MACF1: variants seen among roughly 807,000 people sequenced by gnomAD.
The protein encoded by MACF1 is microtubule-actin cross-linking factor 1.
Under a neutral mutation model 854.8 loss-of-function variants are expected in MACF1, and 193 were observed. That is an observed-to-expected ratio of 0.23 (90% CI 0.20 to 0.25). The LOEUF (loss-of-function observed/expected upper bound fraction) is 0.25, where lower values mean the gene tolerates loss of function less well. Ranked by LOEUF, MACF1 falls within the 10% of genes least tolerant of loss-of-function variation. The pLI is 1.00. For synonymous variants in MACF1, 3,185 were observed against 3,226.7 expected (o/e 0.99, Z 0.44); for missense variants, 7,722 against 8,929.1 (o/e 0.86, Z 5.45).
At chr1:39,097,704 A>C (rs1448864517) in intron 2 of MACF1, among the ~76,000 whole-genome samples, 5 of 151,646 alleles carry the variant, frequency 3.3e-5, no homozygotes, top group Admixed American at 3.3e-4. Flanking sequence ...CCTGGGTGAC[A>C]AAGTGAAACC....
At chr1:39,277,268 A>T (rs927255932) in intron 6 of MACF1, among the ~76,000 whole-genome samples, 3 of 152,198 alleles carry the variant, frequency 2.0e-5, no homozygotes, top group Non-Finnish European at 4.4e-5. Flanking sequence ...TTAAAATCTT[A>T]GAAAAGTAGA....
At chr1:39,320,100 A>G (rs1646485835) in intron 31 of MACF1, among the ~76,000 whole-genome samples, 1 of 152,180 alleles carries the variant, frequency 6.6e-6, no homozygotes, top group Non-Finnish European at 1.5e-5. Flanking sequence ...CTGAGGCAAA[A>G]AACCCAGGAG....
At chr1:39,391,580 A>T (rs762587864) in intron 58 of MACF1, among the ~76,000 whole-genome samples, 1 of 152,230 alleles carries the variant, frequency 6.6e-6, no homozygotes, top group Non-Finnish European at 1.5e-5. Context: ...CAGGCCTGTT[A>T]AAATTGCATT....
chr1:39,480,240 C>T lies in MACF1; in HGVS notation c.22170+231C>T, dbSNP rs187891680. 6.8e-5 allele frequency: 34 copies of T among 500,750 alleles called. No individual in the cohort carries two copies. The Middle Eastern group carries it at 2.6e-3, about 38-fold the overall frequency. 31.0% of individuals were successfully genotyped at this position (500,750 alleles called of 1,614,324 possible). ...TCCAAAGGACATTTATTAAAATATG[C>T]ACTCAGCCTGGTTATGTCAGAAATG... On this transcript the variant is annotated intron_variant, in intron 98 of 100. Coordinates refer to ENST00000564288, the MANE Select transcript of MACF1 (RefSeq NM_001394062.1).
chr1:39,235,973 A>G (rs1375256511), intron 2 of MACF1, among the ~76,000 whole-genome samples: 4 of 152,150 alleles, frequency 2.6e-5, no homozygotes, highest in African/African-American at 9.7e-5. Context: ...CCTGACCTCA[A>G]GTAGTCCTCC....
chr1:39,095,197 A>G (rs545766577), intron 2 of MACF1, among the ~76,000 whole-genome samples: 1 of 152,150 alleles, frequency 6.6e-6, no homozygotes, highest in South Asian at 2.1e-4. Flanking sequence ...TGAATTTTCT[A>G]TGTAGTATTC....
chr1:39,309,078 G>A (rs556333079), intron 23 of MACF1, among the ~76,000 whole-genome samples: 91 of 152,164 alleles, frequency 6.0e-4, no homozygotes, highest in African/African-American at 2.2e-3. Context: ...CAACAATTCT[G>A]GATGGGATGT....
chr1:39,428,222 C>T lies in MACF1; in HGVS notation c.16738C>T (p.Leu5580Phe), dbSNP rs527361873. The T allele has an allele frequency of 1.9e-6, 3 of 1,614,092 alleles. No homozygotes were observed. The highest frequency in any genetic ancestry group is 4.5e-5 in the East Asian group (2 of 44,890). ...CTGGCTGGCTGAGGTTGAGGACAAG[C>T]TCAGTTCAGTGTTCGTAAAGGATTT... ...LNWLAEVEDK[L>F]SSVFVKDFKQ... Residue 5580 changes from leucine to phenylalanine, a missense_variant, in exon 63 of 101, where the codon CTC becomes TTC. Physicochemically the swap from Leu to Phe is conservative, Grantham distance 22. Coordinates refer to ENST00000564288, the MANE Select transcript of MACF1 (RefSeq NM_001394062.1).
chr1:39,483,678 C>CCCAG (rs1371806238), intron 99 of MACF1, among the ~76,000 whole-genome samples: 1 of 152,172 alleles, frequency 6.6e-6, no homozygotes, highest in Non-Finnish European at 1.5e-5. Context: ...AGTCCTGGAA[C>CCCAG]CCAGACTCAA....
chr1:39,404,637 A>G (rs1338610221), intron 58 of MACF1, among the ~76,000 whole-genome samples: 3 of 152,156 alleles, frequency 2.0e-5, no homozygotes, highest in South Asian at 2.1e-4. Flanking sequence ...CTACAGATGC[A>G]CATGCCTGGC....
At chr1:39,212,667 G>A (rs958060071) in intron 1 of MACF1, among the ~76,000 whole-genome samples, 9 of 152,194 alleles carry the variant, frequency 5.9e-5, no homozygotes, top group South Asian at 4.2e-4. Context: ...CTGTCGCCCC[G>A]GCTGGAGTGC....
intron 62 of MACF1, 58 bp downstream of exon 62, chr1:39,427,672 G>T: frequency 6.5e-7 from 1 of 1,531,794 alleles, no homozygotes; most frequent in South Asian, 1.2e-5. Context: ...TCCTAGAAAT[G>T]AGTAAACTGC....
intron 2 of MACF1, among the ~76,000 whole-genome samples, chr1:39,147,860 C>G (rs1005815022): frequency 2.0e-5 from 3 of 152,172 alleles, no homozygotes; most frequent in Admixed American, 2.0e-4. Context: ...ACTCACTGCC[C>G]TATTTTAGAC....
At chr1:39,470,535 A>G (rs899505547) in intron 97 of MACF1, among the ~76,000 whole-genome samples, 1 of 152,110 alleles carries the variant, frequency 6.6e-6, no homozygotes, top group Non-Finnish European at 1.5e-5. Context: ...AGTCCTAACT[A>G]CTCTGGAGGC....
At chr1:39,271,270 T>C (rs1316432944) in intron 6 of MACF1, among the ~76,000 whole-genome samples, 1 of 152,136 alleles carries the variant, frequency 6.6e-6, no homozygotes, top group Non-Finnish European at 1.5e-5. Context: ...TGAGGAAACT[T>C]ACAATCTTGG....
At chr1:39,161,269 T>G (rs1257538195) in intron 2 of MACF1, among the ~76,000 whole-genome samples, 1 of 152,108 alleles carries the variant, frequency 6.6e-6, no homozygotes, top group Non-Finnish European at 1.5e-5. Flanking sequence ...TCCAGACCTG[T>G]GCCATGACTG....
intron 94 of MACF1, 151 bp from the exon 95 acceptor site, chr1:39,464,944 T>C: frequency 1.4e-6 from 1 of 727,720 alleles, no homozygotes; most frequent in East Asian, 2.5e-5. Flanking sequence ...CACATCCCTG[T>C]GGCAGGAGCT....
At position 39,403,841 on chromosome 1, in the gene MACF1, C is replaced by T. The variant is rs67565124; in HGVS notation, c.15816+15183C>T. 1.9e-3 allele frequency among the ~76,000 whole-genome samples: 117 copies of T among 62,784 alleles called. 1 individual carries two copies. The highest frequency in any genetic ancestry group is 4.8e-3 in the Admixed American group (35 of 7,238). 41.2% of individuals were successfully genotyped at this position (62,784 alleles called of 152,430 possible). A position where few individuals can be genotyped will look rare whatever the true frequency, so the allele number is the denominator to read the frequency against. ...AAGTCCTCATTTAAAAATTTTTGGG[C>T]GGGGGGGCCGGGCTTCGTGGCTCAT... On this transcript the variant is annotated intron_variant, in intron 58 of 100. Coordinates refer to ENST00000564288, the MANE Select transcript of MACF1 (RefSeq NM_001394062.1).
rs1244710073 is a variant in MACF1, at chr1:39,384,850, G to A, written c.13849-584G>A. ...GAATGCCAACTTTAATTTCTCAGCC[G>A]TGTCTGGCCTTAGTAACTGACATTG... is the stretch of plus-strand genomic sequence containing the variant. On this transcript the variant is annotated intron_variant, in intron 56 of 100. Coordinates refer to ENST00000564288, the MANE Select transcript of MACF1 (RefSeq NM_001394062.1). 2.0e-5 allele frequency among the ~76,000 whole-genome samples: 3 copies of A among 152,146 alleles called. No individual in the cohort carries two copies. In the South Asian group the frequency reaches 6.2e-4, roughly 32 times the overall value.
Sources: gnomAD v4.1 joint callset for allele counts (sites outside exome capture counted in the v4.1 genomes callset) on GRCh38, gnomAD v4.1.1 for gene constraint, MANE v1.5 for transcripts, NCBI Gene and HGNC (gene_info 2026-07-23, HGNC 2026-07-21) for gene names.